Variants in MYH2 observed in about 807,000 individuals in gnomAD.
The protein encoded by MYH2 is myosin-2.
In MYH2, 139 loss-of-function variants were observed where a neutral mutation model predicts 228.1. The observed-to-expected ratio is 0.61, with a 90% CI of 0.53 to 0.70. The LOEUF (loss-of-function observed/expected upper bound fraction) is 0.70. MYH2 is among the 30% of genes least tolerant of loss of function. MYH2 has a pLI of 0.00. For missense variants in MYH2, 1,809 were observed against 2,357.5 expected, an observed-to-expected ratio of 0.77 and a Z score of 4.82; for synonymous variants, 796 against 871.1, an observed-to-expected ratio of 0.91 and a Z score of 1.52.
At chr17:10,527,686 A>G (rs1346477228) in intron 28 of MYH2, 62 bp downstream of exon 28, 13 of 1,611,224 alleles carry the variant, frequency 8.1e-6, no homozygotes, top group Admixed American at 1.7e-5. Flanking sequence ...TCACCAAATC[A>G]GTCCGTTGTT....
At position 10,525,185 on chromosome 17, in the gene MYH2, T is replaced by G; in HGVS notation, c.4662+39A>C. On this transcript the variant is annotated intron_variant, in intron 33 of 39. Transcript: ENST00000245503. This position sits in a 1 kb window ranked among gnomAD's most constrained non-coding sequence, Gnocchi z 4.2. ...CACTCTATGCAGATGTACCTAATTATTTTCCAGATTTTTTTATAATGCACA... is the reference window on the plus strand; with the variant it reads ...CACTCTATGCAGATGTACCTAATTAGTTTCCAGATTTTTTTATAATGCACA... The G allele has an allele frequency of 6.2e-7, 1 of 1,613,934 alleles. No individual in the cohort carries two copies. Among genetic ancestry groups the G allele is most frequent in the Middle Eastern group, 1.6e-4 (1 of 6,062 alleles).
chr17:10,536,596 A>G lies in MYH2; in HGVS notation c.1908T>C (p.Gly636=). The G allele has an allele frequency of 6.2e-7, 1 of 1,613,732 alleles. No homozygotes were observed. The highest frequency in any genetic ancestry group is 8.5e-7 in the Non-Finnish European group (1 of 1,179,746). ...TCTTACCACCTTTCTTGGCCCCTCC[A>G]CCAGCTCCCTCTGAAGAAAAAGGAA... The part of the protein sequence containing the change: ...GAQTAEGEGA[G]GGAKKGGKKK... Residue 636 remains glycine (G), a synonymous_variant, in exon 17 of 40, where the codon GGT becomes GGC. Coordinates refer to ENST00000245503, the MANE Select transcript of MYH2 (RefSeq NM_017534.6).
rs779665835 is a variant in MYH2, at chr17:10,526,634, G to T, written c.4152C>A (p.Asp1384Glu). ...VAQWRTKYET[D>E]AIQRTEELEE... ...CCAGCTCCTCTGTGCGCTGGATGGCGTCCGTCTCGTATTTGGTCCTCCATT... is the reference window on the plus strand; with the variant it reads ...CCAGCTCCTCTGTGCGCTGGATGGCTTCCGTCTCGTATTTGGTCCTCCATT... Residue 1384 changes from aspartate to glutamate, a missense_variant, in exon 30 of 40, where the codon GAC (aspartate) becomes GAA (glutamate). This residue lies in a region of MYH2 where 636 missense variants were observed against 729.9 expected (regional missense o/e 0.87). Coordinates refer to ENST00000245503, the MANE Select transcript of MYH2 (RefSeq NM_017534.6). 6.2e-7 allele frequency: 1 copy of T among 1,613,884 alleles called. No individual in the cohort carries two copies. Among genetic ancestry groups the T allele is most frequent in the Admixed American group, 1.7e-5 (1 of 60,002 alleles).
In MYH2 at chr17:10,524,955, C is replaced by T. The variant is rs1213435273; in HGVS notation, c.4773G>A (p.Gln1591=). 1 of 1,614,152 alleles carries T rather than the reference C, an allele frequency of 6.2e-7. No homozygotes were observed. ...CGATTCTAATGTGGTTTCTCTTCAG[C>T]TGGTCAATTTCCTCATCTTTTTCAG... ...KIAEKDEEID[Q]LKRNHIRIVE... Residue 1591 remains glutamine, a synonymous_variant, in exon 34 of 40, where the codon CAG becomes CAA. Coordinates refer to ENST00000245503, the MANE Select transcript of MYH2 (RefSeq NM_017534.6). This position sits in a 1 kb window ranked among gnomAD's most constrained non-coding sequence, Gnocchi z 4.7.
chr17:10,524,821 T>G lies in MYH2; in HGVS notation c.4907A>C (p.Asn1636Thr), dbSNP rs1338712831. Residue 1636 changes from asparagine to threonine, a missense_variant, in exon 34 of 40, where the codon AAC becomes ACC. Transcript: ENST00000245503. The surrounding 1 kb of genome is among the most constrained non-coding windows in gnomAD (Gnocchi z 4.7). ...CTCAGCAGCCATGCGGTTGGCATGG[T>G]TCAGCTGGATTTCCATTTCATTGAG... ...GDLNEMEIQL[N>T]HANRMAAEAL... 6.2e-7 allele frequency: 1 copy of G among 1,614,110 alleles called. No homozygotes were observed. The highest frequency in any genetic ancestry group is 2.2e-5 in the East Asian group (1 of 44,854).
At chr17:10,545,312 G>T in intron 5 of MYH2, 34 bp downstream of exon 5, 1 of 1,612,140 alleles carries the variant, frequency 6.2e-7, no homozygotes, top group Non-Finnish European at 8.5e-7. Flanking sequence ...TGCTCTAAAG[G>T]TTTACGCACT....
chr17:10,524,319 T>C lies in MYH2; in HGVS notation c.5175+147A>G. The C allele has an allele frequency of 9.0e-7, 1 of 1,108,516 alleles. No individual in the cohort carries two copies. Among genetic ancestry groups the C allele is most frequent in the South Asian group, 1.4e-5 (1 of 70,840 alleles). 68.7% of individuals were successfully genotyped at this position (1,108,516 alleles called of 1,614,324 possible). On this transcript the variant is annotated intron_variant, in intron 35 of 39. Transcript: ENST00000245503. The surrounding 1 kb of genome is among the most constrained non-coding windows in gnomAD (Gnocchi z 4.7). ...TTTCAAAGCAAAACAGTGAAAGATT[T>C]CTCAGTAATGCAGAATTACTATTCT...
Position 10,546,256 on chromosome 17 carries a change from GATATATATATATAT to G in MYH2, c.349-768_349-755del, listed in dbSNP as rs71139049. Among the ~76,000 whole-genome samples the G allele has an allele frequency of 9.5e-4, 63 of 66,074 alleles. 2 individuals carry two copies. The highest frequency in any genetic ancestry group is 7.0e-3 in the South Asian group (8 of 1,150). 43.3% of individuals were successfully genotyped at this position (66,074 alleles called of 152,430 possible). A position where few individuals can be genotyped will look rare whatever the true frequency, so the allele number is the denominator to read the frequency against. ...GTTATAAGGAAACAGGACACGAAAT[GATATATATATATAT>G]ATATATATATATATATATACATCAT... On this transcript the variant is annotated intron_variant, in intron 4 of 39. Transcript: ENST00000245503.
rs750078712 is a variant in MYH2 at position 10,527,691 on chromosome 17, G to A, written c.3871+57C>T. 1.2e-4 allele frequency: 193 copies of A among 1,611,788 alleles called. 1 individual carries two copies. The highest frequency in any genetic ancestry group is 8.3e-4 in the Admixed American group (50 of 60,002). ...GGCTCCCACTTCACCAAATCAGTCCGTTGTTCTTAATCACATCCTCTCCAC... is the reference window on the plus strand; with the variant it reads ...GGCTCCCACTTCACCAAATCAGTCCATTGTTCTTAATCACATCCTCTCCAC... On this transcript the variant is annotated intron_variant, in intron 28 of 39. Coordinates refer to ENST00000245503, the MANE Select transcript of MYH2 (RefSeq NM_017534.6).
rs11372676 is a variant in MYH2, at chr17:10,528,560, A to ATT, written c.3744+128_3744+129dup. 9.9e-5 allele frequency: 139 copies of ATT among 1,398,770 alleles called. No homozygotes were observed. In the East Asian group the frequency reaches 3.0e-3, roughly 30 times the overall value. The allele number at this position is 1,398,770 out of a possible 1,614,324, so 86.6% of individuals were successfully genotyped here. ...TAAGTTGAAATAATAAAAAATGCTG[A>ATT]TTTTTTGTGCTTACTTCCCTGAATT... On this transcript the variant is annotated intron_variant, in intron 27 of 39. Transcript: ENST00000245503.
chr17:10,540,084 A>G lies in MYH2; in HGVS notation c.1009-18T>C. The G allele has an allele frequency of 6.2e-7, 1 of 1,613,926 alleles. No homozygotes were observed. The highest frequency in any genetic ancestry group is 8.5e-7 in the Non-Finnish European group (1 of 1,179,908). On this transcript the variant is annotated intron_variant, in intron 11 of 39. Coordinates refer to ENST00000245503, the MANE Select transcript of MYH2 (RefSeq NM_017534.6). The stretch of plus-strand genomic sequence containing the variant: ...ATAGCACTCTGTCAATATAACCAAT[A>G]GGATAGCTGTTAGGTTGTGATCCAC...
At chr17:10,527,314 A>T (rs561518145) in intron 28 of MYH2, among the ~76,000 whole-genome samples, 1 of 152,326 alleles carries the variant, frequency 6.6e-6, no homozygotes, top group African/African-American at 2.4e-5. Flanking sequence ...GATATTGTGC[A>T]AAATCTGGTG....
Position 10,525,998 on chromosome 17 carries a change from T to G in MYH2, c.4188-122A>C, listed in dbSNP as rs2073347807. 2 of 1,157,286 alleles carry G rather than the reference T, an allele frequency of 1.7e-6. No homozygotes were observed. Among genetic ancestry groups the G allele is most frequent in the Non-Finnish European group, 2.5e-6 (2 of 812,954 alleles). 71.7% of individuals were successfully genotyped at this position (1,157,286 alleles called of 1,614,324 possible). Reference sequence around the variant, plus strand: ...ATGCTGCCCAGCCACCTTTCATTCTTTCAACAAATATTGATGAGCCCCTTT... The same window carrying G: ...ATGCTGCCCAGCCACCTTTCATTCTGTCAACAAATATTGATGAGCCCCTTT... On this transcript the variant is annotated intron_variant, in intron 30 of 39. Coordinates refer to ENST00000245503, the MANE Select transcript of MYH2 (RefSeq NM_017534.6). This position sits in a 1 kb window ranked among gnomAD's most constrained non-coding sequence, Gnocchi z 4.2.
chr17:10,537,880 A>AT lies in MYH2; in HGVS notation c.1417-46dup, dbSNP rs779242211. On this transcript the variant is annotated intron_variant, in intron 14 of 39. Coordinates refer to ENST00000245503, the MANE Select transcript of MYH2 (RefSeq NM_017534.6). The surrounding 1 kb of genome is among the most constrained non-coding windows in gnomAD (Gnocchi z 4.0). The stretch of plus-strand genomic sequence containing the variant: ...TACTTCTCTCTTAAGCAAATTGAGT[A>AT]TTTTTTAAAATACAGAACTTTTCCA... The AT allele has an allele frequency of 2.5e-6, 4 of 1,614,036 alleles. No homozygotes were observed. Among genetic ancestry groups the AT allele is most frequent in the Non-Finnish European group, 3.4e-6 (4 of 1,179,910 alleles).
intron 10 of MYH2, among the ~76,000 whole-genome samples, chr17:10,541,211 G>T (rs1476567755): frequency 6.6e-6 from 1 of 152,236 alleles, no homozygotes; most frequent in Non-Finnish European, 1.5e-5. Context: ...GGCTGCCTGA[G>T]AGCCGGGTGG....
intron 5 of MYH2, among the ~76,000 whole-genome samples, chr17:10,544,937 A>G (rs1366094762): frequency 6.6e-6 from 1 of 152,176 alleles, no homozygotes; most frequent in Non-Finnish European, 1.5e-5. Context: ...CTGAAACTAC[A>G]GAGACAAGTT....
In MYH2 at chr17:10,524,547, C is replaced by T; in HGVS notation, c.5094G>A (p.Leu1698=). The T allele has an allele frequency of 6.2e-7, 1 of 1,614,232 alleles. No homozygotes were observed. Among genetic ancestry groups the T allele is most frequent in the South Asian group, 1.1e-5 (1 of 91,086 alleles). The change falls in exon 35 of 40, where the codon CTG becomes CTA. Residue 1698 remains leucine, a synonymous_variant. Transcript: ENST00000245503. This position sits in a 1 kb window ranked among gnomAD's most constrained non-coding sequence, Gnocchi z 4.7. ...QAEIEELRAT[L]EQTERSRKIA... ...TTTTTCTGCTCCTCTCTGTCTGTTC[C>T]AGAGTGGCCCGCAGCTCCTCGATCT...
rs770623563 is a variant in MYH2 at position 10,524,563 on chromosome 17, T to C, written c.5078A>G (p.Glu1693Gly). ...RANLLQAEIE[E>G]LRATLEQTER... is the part of the protein sequence containing the mutation. The stretch of plus-strand genomic sequence containing the variant: ...TGTCTGTTCCAGAGTGGCCCGCAGC[T>C]CCTCGATCTCAGCCTGCAGCAGGTT... Residue 1693 changes from glutamate (E) to glycine (G), a missense_variant, in exon 35 of 40, where the codon GAG (glutamate) becomes GGG (glycine). This residue lies in a region of MYH2 where 278 missense variants were observed against 308.5 expected (regional missense o/e 0.90). Transcript: ENST00000245503. This position sits in a 1 kb window ranked among gnomAD's most constrained non-coding sequence, Gnocchi z 4.7. The C allele has an allele frequency of 6.2e-7, 1 of 1,614,224 alleles. No homozygotes were observed. The highest frequency in any genetic ancestry group is 1.1e-5 in the South Asian group (1 of 91,080).
intron 4 of MYH2, among the ~76,000 whole-genome samples, chr17:10,546,779 T>TA (rs56672222): frequency 5.2e-5 from 6 of 114,416 alleles, no homozygotes; most frequent in African/African-American, 1.6e-4. Flanking sequence ...AATTTGTTTT[T>TA]AAAAAAAAAA....
Sources: gnomAD v4.1 joint callset for allele counts (sites outside exome capture counted in the v4.1 genomes callset) on GRCh38, gnomAD v4.1.1 for gene constraint, gnomAD v4.1.1 regional missense constraint, Gnocchi (gnomAD v3.1) non-coding constraint, MANE v1.5 for transcripts, NCBI Gene and HGNC (gene_info 2026-07-23, HGNC 2026-07-21) for gene names.